AGBL4: variants seen among roughly 807,000 people sequenced by gnomAD.
The protein encoded by AGBL4 is AGBL carboxypeptidase 4.
Under a neutral mutation model 66.4 loss-of-function variants are expected in AGBL4, and 58 were observed. The observed-to-expected ratio is 0.87, with a 90% confidence interval of 0.71 to 1.09. The LOEUF (loss-of-function observed/expected upper bound fraction) is 1.09. Ranked by LOEUF, AGBL4 falls within the 50% of genes least tolerant of loss-of-function variation. The pLI is 0.00. For synonymous variants in AGBL4, 234 were observed against 222.9 expected (o/e 1.05, Z -0.44); for missense variants, 579 against 631.0 (o/e 0.92, Z 0.88).
In AGBL4 at chr1:48,732,974, C is replaced by T. The variant is rs532261539; in HGVS notation, c.635-69733G>A. Among the ~76,000 whole-genome samples the T allele has an allele frequency of 5.4e-4, 83 of 152,296 alleles. No individual in the cohort carries two copies. The Middle Eastern group carries it at 0.01, about 19-fold the overall frequency. On this transcript the variant is annotated intron_variant, in intron 6 of 13. Coordinates refer to ENST00000371839, the MANE Select transcript of AGBL4 (RefSeq NM_032785.4). ...ATCGTGTCAAACAGTGCCAGTGAGA[C>T]TGTGAGAAACACACAAGGATTTAGA... is the stretch of plus-strand genomic sequence containing the variant.
intron 2 of AGBL4, among the ~76,000 whole-genome samples, chr1:49,794,331 G>A (rs1171380155): frequency 6.6e-6 from 1 of 151,808 alleles, no homozygotes; most frequent in African/African-American, 2.4e-5. Flanking sequence ...AATTACCCAA[G>A]ATCTTCTCAC....
At position 48,591,653 on chromosome 1, in the gene AGBL4, A is replaced by C. The variant is rs368664037; in HGVS notation, c.952-668T>G. 7.2e-5 allele frequency among the ~76,000 whole-genome samples: 11 copies of C among 152,350 alleles called. No individual in the cohort carries two copies. In the East Asian group the frequency reaches 1.9e-3, roughly 27 times the overall value. ...GTATATATAATGCATGCCCAACAGC[A>C]TTCTTGGAACTTTACATATAGAGTC... On this transcript the variant is annotated intron_variant, in intron 9 of 13. Coordinates refer to ENST00000371839, the MANE Select transcript of AGBL4 (RefSeq NM_032785.4).
intron 3 of AGBL4, among the ~76,000 whole-genome samples, chr1:49,294,305 A>T (rs1644599470): frequency 1.3e-5 from 2 of 152,218 alleles, no homozygotes; most frequent in Admixed American, 6.5e-5. Context: ...ATCCACATGG[A>T]TCCCTCTGGG....
At chr1:49,421,173 AT>A (rs1304261600) in intron 3 of AGBL4, among the ~76,000 whole-genome samples, 3 of 152,228 alleles carry the variant, frequency 2.0e-5, no homozygotes, top group Admixed American at 1.3e-4. Flanking sequence ...TAATACCTGC[AT>A]CACTGAGCTA....
chr1:48,876,502 T>A (rs765260998), intron 5 of AGBL4, among the ~76,000 whole-genome samples: 8 of 152,158 alleles, frequency 5.3e-5, no homozygotes, highest in Non-Finnish European at 8.8e-5. Flanking sequence ...AAAGGTCATG[T>A]GGGGACCTGC....
intron 3 of AGBL4, among the ~76,000 whole-genome samples, chr1:49,354,069 A>C (rs1472394495): frequency 6.6e-6 from 1 of 152,170 alleles, no homozygotes; most frequent in Non-Finnish European, 1.5e-5. Flanking sequence ...CTGGTTTAAC[A>C]CTTAGCTATC....
At chr1:49,131,581 T>G (rs935771746) in intron 4 of AGBL4, among the ~76,000 whole-genome samples, 1 of 152,018 alleles carries the variant, frequency 6.6e-6, no homozygotes, top group African/African-American at 2.4e-5. Context: ...GGAGCTCAGA[T>G]CTGAAGACAT....
At chr1:48,794,750 T>C (rs1225015719) in intron 6 of AGBL4, among the ~76,000 whole-genome samples, 1 of 152,226 alleles carries the variant, frequency 6.6e-6, no homozygotes, top group Admixed American at 6.5e-5. Flanking sequence ...GATGTCAATA[T>C]TCCTCAGAAT....
intron 3 of AGBL4, among the ~76,000 whole-genome samples, chr1:49,280,617 A>G (rs972586618): frequency 2.6e-5 from 4 of 152,230 alleles, no homozygotes; most frequent in Non-Finnish European, 5.9e-5. Context: ...CCAGAGGTAG[A>G]TATTAAGGTC....
At chr1:49,307,226 C>A (rs1378516106) in intron 3 of AGBL4, among the ~76,000 whole-genome samples, 1 of 152,182 alleles carries the variant, frequency 6.6e-6, no homozygotes, top group Non-Finnish European at 1.5e-5. Context: ...ACCACTGTCT[C>A]CACCACTGAC....
intron 3 of AGBL4, among the ~76,000 whole-genome samples, chr1:49,511,606 T>TA (rs902530171): frequency 2.0e-5 from 3 of 151,430 alleles, no homozygotes; most frequent in Middle Eastern, 3.2e-3. Context: ...AAAGTATAAT[T>TA]AAAAAAAATT....
intron 4 of AGBL4, among the ~76,000 whole-genome samples, chr1:49,109,596 T>C (rs1008127534): frequency 6.6e-6 from 1 of 152,202 alleles, no homozygotes; most frequent in Non-Finnish European, 1.5e-5. Flanking sequence ...GTAGAGTGCT[T>C]GGCACATAAC....
chr1:49,122,746 A>G (rs1347712869), intron 4 of AGBL4, among the ~76,000 whole-genome samples: 1 of 152,214 alleles, frequency 6.6e-6, no homozygotes, highest in African/African-American at 2.4e-5. Context: ...TAATAATCCT[A>G]ACTTTTAATG....
intron 6 of AGBL4, among the ~76,000 whole-genome samples, chr1:48,712,354 CCTG>C (rs1434174979): frequency 2.0e-5 from 3 of 152,190 alleles, no homozygotes; most frequent in African/African-American, 4.8e-5. Context: ...CCTTTTCTAA[CCTG>C]CTTGCCCCAC....
intron 3 of AGBL4, among the ~76,000 whole-genome samples, chr1:49,559,748 C>A (rs1219554864): frequency 1.3e-5 from 2 of 152,110 alleles, no homozygotes; most frequent in African/African-American, 4.8e-5. Flanking sequence ...CCTTCAGCGA[C>A]ACATTGAAGG....
At chr1:48,981,133 A>T (rs1223308328) in intron 5 of AGBL4, among the ~76,000 whole-genome samples, 1 of 152,168 alleles carries the variant, frequency 6.6e-6, no homozygotes, top group Non-Finnish European at 1.5e-5. Context: ...TCCTTCAGTC[A>T]TAGACATAGC....
intron 4 of AGBL4, among the ~76,000 whole-genome samples, chr1:49,061,265 AAAGGAAATCAGGAGTG>A (rs530751256): frequency 8.3e-4 from 127 of 152,298 alleles, no homozygotes; most frequent in African/African-American, 2.9e-3. Context: ...TCTCTATGAT[AAAGGAAATCAGGAGTG>A]AGGGCTAACC....
chr1:48,588,171 A>G (rs765835514), intron 10 of AGBL4, among the ~76,000 whole-genome samples: 15 of 152,174 alleles, frequency 9.9e-5, no homozygotes, highest in Non-Finnish European at 2.1e-4. Context: ...ACAAATCTGA[A>G]TCCAGAACTA....
intron 3 of AGBL4, among the ~76,000 whole-genome samples, chr1:49,260,137 C>A (rs1245110017): frequency 6.6e-6 from 1 of 150,928 alleles, no homozygotes; most frequent in African/African-American, 2.4e-5. Flanking sequence ...ATACCAGAAT[C>A]TCTGGGACAC....
Sources: gnomAD v4.1 joint callset for allele counts (sites outside exome capture counted in the v4.1 genomes callset) on GRCh38, gnomAD v4.1.1 for gene constraint, MANE v1.5 for transcripts, NCBI Gene and HGNC (gene_info 2026-07-23, HGNC 2026-07-21) for gene names.